DHRS7B: variants seen among roughly 807,000 people sequenced by gnomAD.
DHRS7B encodes the protein peroxisomal reductase activating PPAR-gamma.
Under a neutral mutation model 26.4 loss-of-function variants are expected in DHRS7B, and 24 were observed. That is an observed-to-expected ratio of 0.91 (90% confidence interval 0.66 to 1.28). The LOEUF (loss-of-function observed/expected upper bound fraction) is 1.28, where lower values mean the gene tolerates loss of function less well. DHRS7B is among the 50% of genes most tolerant of loss of function. The pLI is 0.00. For synonymous variants in DHRS7B, 142 were observed against 166.4 expected (o/e 0.85, Z 1.13); for missense variants, 368 against 419.4 (o/e 0.88, Z 1.07).
At chr17:21,180,781 T>C (rs2144190461) in intron 3 of DHRS7B, among the ~76,000 whole-genome samples, 1 of 152,344 alleles carries the variant, frequency 6.6e-6, no homozygotes, top group Non-Finnish European at 1.5e-5. Context: ...CCTCCATCTG[T>C]CCTTTTTCAG....
chr17:21,190,543 T>C (rs1241081514), intron 6 of DHRS7B, among the ~76,000 whole-genome samples: 1 of 152,172 alleles, frequency 6.6e-6, no homozygotes, highest in Non-Finnish European at 1.5e-5. Context: ...GTTGTTCTAA[T>C]AGGCACACGT....
intron 2 of DHRS7B, 22 bp from the exon 3 acceptor site, chr17:21,178,211 A>AGGCTCTT: frequency 6.2e-7 from 1 of 1,609,132 alleles, no homozygotes. Flanking sequence ...ATGGCTGTCA[A>AGGCTCTT]GGCTCTTTTC....
chr17:21,174,447 G>A (rs1045537664), intron 2 of DHRS7B, among the ~76,000 whole-genome samples: 2 of 152,236 alleles, frequency 1.3e-5, no homozygotes, highest in Non-Finnish European at 2.9e-5. Context: ...CAGCGGCACT[G>A]GACAGTCATC....
At chr17:21,177,988 T>G (rs938803831) in intron 2 of DHRS7B, among the ~76,000 whole-genome samples, 1 of 152,168 alleles carries the variant, frequency 6.6e-6, no homozygotes, top group African/African-American at 2.4e-5. Context: ...TCATGGGGTG[T>G]TCTGAGCATG....
At chr17:21,178,461 C>T in intron 3 of DHRS7B, 119 bp downstream of exon 3, 1 of 799,982 alleles carries the variant, frequency 1.3e-6, no homozygotes, top group Non-Finnish European at 2.0e-6. Flanking sequence ...GTCACACTGT[C>T]CCAGGGAAGG....
chr17:21,150,083 A>G (rs1209494186), intron 1 of DHRS7B, among the ~76,000 whole-genome samples: 1 of 145,814 alleles, frequency 6.9e-6, no homozygotes, highest in Non-Finnish European at 1.5e-5. Flanking sequence ...CCTGGGCAAC[A>G]TAACAAGGCT....
intron 1 of DHRS7B, among the ~76,000 whole-genome samples, chr17:21,140,047 CAG>C (rs1370963382): frequency 1.7e-4 from 7 of 41,336 alleles, no homozygotes; most frequent in Admixed American, 1.6e-3. Context: ...TTTTTTGAGA[CAG>C]AGTCTCACTC....
Position 21,184,570 on chromosome 17 carries a change from C to G in DHRS7B, c.619+107C>G. ...TTTAGACATTGTAGAAATAAACTAT[C>G]CAGAATGCAAAGGCACTTGAGAATG... On this transcript the variant is annotated intron_variant, in intron 5 of 6. Coordinates refer to ENST00000395511, the MANE Select transcript of DHRS7B (RefSeq NM_015510.5). 4 of 1,152,026 alleles carry G rather than the reference C, an allele frequency of 3.5e-6. No homozygotes were observed. In the South Asian group the frequency reaches 4.5e-5, roughly 13 times the overall value. The allele number at this position is 1,152,026 out of a possible 1,614,324, so 71.4% of individuals were successfully genotyped here.
intron 1 of DHRS7B, among the ~76,000 whole-genome samples, chr17:21,137,361 A>G (rs1317084029): frequency 6.7e-6 from 1 of 150,286 alleles, no homozygotes; most frequent in Non-Finnish European, 1.5e-5. Flanking sequence ...CAGTGGCACA[A>G]TCTCAGCTCA....
At chr17:21,146,443 C>T (rs1022831079) in intron 1 of DHRS7B, among the ~76,000 whole-genome samples, 1 of 152,126 alleles carries the variant, frequency 6.6e-6, no homozygotes, top group Non-Finnish European at 1.5e-5. Context: ...ATGCATATAC[C>T]TATTTAATCC....
intron 1 of DHRS7B, among the ~76,000 whole-genome samples, chr17:21,136,431 GA>G (rs1973342706): frequency 6.6e-6 from 1 of 151,918 alleles, no homozygotes; most frequent in African/African-American, 2.4e-5. Context: ...TGAATCACTT[GA>G]ACCTGGGAGG....
chr17:21,187,605 G>A (rs1311684670), intron 5 of DHRS7B, among the ~76,000 whole-genome samples: 3 of 142,774 alleles, frequency 2.1e-5, no homozygotes, highest in East Asian at 2.1e-4. Flanking sequence ...CAGCACTCCC[G>A]CCTGGGTGGC....
chr17:21,159,989 C>T (rs566460874), intron 1 of DHRS7B, among the ~76,000 whole-genome samples: 1 of 151,672 alleles, frequency 6.6e-6, no homozygotes, highest in East Asian at 1.9e-4. Context: ...GGGAGGCTGA[C>T]GTGGTGGATC....
chr17:21,169,020 A>G, intron 1 of DHRS7B: 1 of 654,202 alleles, frequency 1.5e-6, no homozygotes. Flanking sequence ...GGGCTGGTTT[A>G]TTTTCATCCT....
At chr17:21,128,139 G>A (rs1973140859) in intron 1 of DHRS7B, 1 of 152,222 alleles carries the variant, frequency 6.6e-6, no homozygotes, top group Admixed American at 6.5e-5. Flanking sequence ...CTATTAGCCA[G>A]GCAAGGTAGC....
chr17:21,172,238 C>CA, intron 2 of DHRS7B, 42 bp downstream of exon 2: 3 of 1,576,404 alleles, frequency 1.9e-6, no homozygotes, highest in Non-Finnish European at 2.6e-6. Flanking sequence ...GGGGGTAAGT[C>CA]AGCCAGGGAT....
At chr17:21,153,046 C>A (rs1366448755) in intron 1 of DHRS7B, among the ~76,000 whole-genome samples, 1 of 152,118 alleles carries the variant, frequency 6.6e-6, no homozygotes, top group Admixed American at 6.5e-5. Context: ...ACAGAAGAGA[C>A]TGAAGAAGCA....
intron 3 of DHRS7B, among the ~76,000 whole-genome samples, chr17:21,182,129 G>GT (rs1291646506): frequency 6.6e-6 from 1 of 152,126 alleles, no homozygotes; most frequent in Non-Finnish European, 1.5e-5. Context: ...TATTGAGTAT[G>GT]TTTACCATGA....
In DHRS7B at chr17:21,138,066, T is replaced by TTAA. The variant is rs71357468; in HGVS notation, c.20+11075_20+11076insTAA. ...GGGATTACAGGTGCCCGGCCTCTTT[T>TTAA]AAAAAAAAAATATATATATATATAT... On this transcript the variant is annotated intron_variant, in intron 1 of 6. Transcript: ENST00000395511. 5.2e-3 allele frequency among the ~76,000 whole-genome samples: 182 copies of TTAA among 35,220 alleles called. 4 individuals are homozygous for TTAA. The highest frequency in any genetic ancestry group is 7.1e-3 in the African/African-American group (41 of 5,736). The allele number at this position is 35,220 out of a possible 152,430, so 23.1% of individuals were successfully genotyped here.
Sources: allele counts gnomAD v4.1 joint callset (sites outside exome capture counted in the v4.1 genomes callset), GRCh38; gene constraint gnomAD v4.1.1; transcripts MANE v1.5; gene names NCBI Gene and HGNC (gene_info 2026-07-23, HGNC 2026-07-21).